The following PPM1B variants were observed in gnomAD, a reference collection of about 807,000 sequenced individuals.
PPM1B encodes protein phosphatase, Mg2+/Mn2+ dependent 1B.
A neutral mutation model predicts 43.0 loss-of-function variants in PPM1B; 22 were observed. The observed-to-expected ratio is 0.51, with a 90% confidence interval of 0.37 to 0.73. The LOEUF is 0.73. PPM1B is among the 30% of genes least tolerant of loss of function. The pLI, the probability that PPM1B is intolerant of heterozygous loss-of-function variation, is 0.00. For missense variants in PPM1B, 632 were observed against 584.2 expected (o/e 1.08, Z -0.84); for synonymous variants, 217 against 197.9 (o/e 1.10, Z -0.81).
Position 44,201,802 on chromosome 2 carries a change from T to C in PPM1B, c.603T>C (p.Ala201=). ...ATGGTTCATTAGCAGTATCTCGTGCTCTGGGGGACTATGATTACAAGTGTG... is the reference window on the plus strand; with the variant it reads ...ATGGTTCATTAGCAGTATCTCGTGCCCTGGGGGACTATGATTACAAGTGTG... ...RVNGSLAVSR[A]LGDYDYKCVD... is the part of the protein sequence containing the mutation. The change falls in exon 2 of 6, where the codon GCT becomes GCC. Residue 201 remains alanine (A), a synonymous_variant. Coordinates refer to ENST00000282412, the MANE Select transcript of PPM1B (RefSeq NM_002706.6). This position sits in a 1 kb window ranked among gnomAD's most constrained non-coding sequence, Gnocchi z 5.4. 5 of 1,614,210 alleles carry C rather than the reference T, an allele frequency of 3.1e-6. No individual in the cohort carries two copies. The highest frequency in any genetic ancestry group is 2.5e-6 in the Non-Finnish European group (3 of 1,180,030).
chr2:44,224,162 A>G (rs1670105871), intron 5 of PPM1B, among the ~76,000 whole-genome samples: 1 of 152,110 alleles, frequency 6.6e-6, no homozygotes. Flanking sequence ...CATTTTAAGA[A>G]TTTTGGTTAT....
At chr2:44,204,718 G>A (rs1002015093) in intron 2 of PPM1B, among the ~76,000 whole-genome samples, 1 of 151,902 alleles carries the variant, frequency 6.6e-6, no homozygotes, top group Non-Finnish European at 1.5e-5. Flanking sequence ...AATCGGCCGG[G>A]CGTTGTGGTG....
At chr2:44,189,457 A>T (rs1221186112) in intron 1 of PPM1B, among the ~76,000 whole-genome samples, 1 of 151,856 alleles carries the variant, frequency 6.6e-6, no homozygotes, top group African/African-American at 2.4e-5. Flanking sequence ...TGGTCCTTCC[A>T]TTCTTTTTTA....
At chr2:44,181,687 T>A (rs1667882027) in intron 1 of PPM1B, among the ~76,000 whole-genome samples, 1 of 152,210 alleles carries the variant, frequency 6.6e-6, no homozygotes, top group African/African-American at 2.4e-5. Flanking sequence ...CTGTTACTAA[T>A]ACAAATAGGT....
At chr2:44,238,695 C>CTT (rs145558616), downstream of PPM1B, among the ~76,000 whole-genome samples, 319 of 151,238 alleles carry the variant, frequency 2.1e-3, 2 homozygotes, top group East Asian at 0.046. Context: ...GAGCGAGAAT[C>CTT]TGTCTCAAAA....
intron 2 of PPM1B, 142 bp downstream of exon 2, chr2:44,202,187 C>A: frequency 1.2e-6 from 1 of 845,692 alleles, no homozygotes; most frequent in Non-Finnish European, 1.7e-6. Context: ...AGAAATGAAA[C>A]CATTGTTTTC....
chr2:44,238,479 A>G (rs974612749), downstream of PPM1B, among the ~76,000 whole-genome samples: 1 of 152,022 alleles, frequency 6.6e-6, no homozygotes, highest in Non-Finnish European at 1.5e-5. Context: ...AGGTGGGTGG[A>G]TCACCTGAGG....
chr2:44,220,286 T>C (rs1168782049), intron 5 of PPM1B, among the ~76,000 whole-genome samples: 1 of 141,290 alleles, frequency 7.1e-6, no homozygotes, highest in Admixed American at 6.9e-5. Context: ...ATATATACCT[T>C]GCTGGATTTT....
At chr2:44,200,268 T>C (rs1166695773) in intron 1 of PPM1B, among the ~76,000 whole-genome samples, 3 of 152,214 alleles carry the variant, frequency 2.0e-5, no homozygotes, top group Non-Finnish European at 4.4e-5. Flanking sequence ...GTTAGCATTG[T>C]ATGTAGAAAA....
chr2:44,209,400 G>A (rs1669349204), intron 3 of PPM1B, 73 bp downstream of exon 3: 2 of 1,509,078 alleles, frequency 1.3e-6, no homozygotes, highest in Admixed American at 4.3e-5. Flanking sequence ...TAGCACTTTT[G>A]TCGCCTGGGC....
intron 1 of PPM1B, among the ~76,000 whole-genome samples, chr2:44,197,467 A>G (rs902405862): frequency 6.6e-6 from 1 of 152,132 alleles, no homozygotes. Flanking sequence ...TCAAAAACTA[A>G]AAAAAACTAA....
intron 5 of PPM1B, among the ~76,000 whole-genome samples, chr2:44,241,152 C>T (rs1258308958): frequency 2.1e-5 from 3 of 143,514 alleles, no homozygotes; most frequent in African/African-American, 7.4e-5. Context: ...TACAGGAATG[C>T]GTCACCACGC....
At chr2:44,216,625 A>G (rs565864452) in intron 3 of PPM1B, among the ~76,000 whole-genome samples, 10 of 152,222 alleles carry the variant, frequency 6.6e-5, no homozygotes, top group African/African-American at 9.7e-5. Context: ...TGAAACCTCA[A>G]GGATGAAAAT....
Position 44,201,361 on chromosome 2 carries a change from A to G in PPM1B, c.162A>G (p.Ser54=), listed in dbSNP as rs1156578711. The G allele has an allele frequency of 2.5e-6, 4 of 1,614,008 alleles. No individual in the cohort carries two copies. Among genetic ancestry groups the G allele is most frequent in the Non-Finnish European group, 1.7e-6 (2 of 1,180,024 alleles). The change falls in exon 2 of 6, where the codon TCA becomes TCG. Residue 54 remains serine (S), a synonymous_variant. Coordinates refer to ENST00000282412, the MANE Select transcript of PPM1B (RefSeq NM_002706.6). This position sits in a 1 kb window ranked among gnomAD's most constrained non-coding sequence, Gnocchi z 5.4. The part of the protein sequence containing the change: ...VGIPHGLEDW[S]FFAVYDGHAG... ...TTCCTCACGGCTTGGAAGACTGGTC[A>G]TTTTTTGCAGTTTATGATGGTCATG...
At position 44,201,715 on chromosome 2, in the gene PPM1B, C is replaced by T; in HGVS notation, c.516C>T (p.Cys172=). 2 of 1,614,158 alleles carry T rather than the reference C, an allele frequency of 1.2e-6. No homozygotes were observed. The highest frequency in any genetic ancestry group is 1.7e-6 in the Non-Finnish European group (2 of 1,180,012). The change falls in exon 2 of 6, where the codon TGC becomes TGT. Residue 172 remains cysteine, a synonymous_variant. Coordinates refer to ENST00000282412, the MANE Select transcript of PPM1B (RefSeq NM_002706.6). This position sits in a 1 kb window ranked among gnomAD's most constrained non-coding sequence, Gnocchi z 5.4. ...VCFSTQDHKP[C]NPREKERIQN... ...TTTCTACCCAGGATCACAAACCTTG[C>T]AATCCAAGGGAAAAGGAGCGAATCC...
chr2:44,204,937 A>T (rs538662158), intron 2 of PPM1B, among the ~76,000 whole-genome samples: 1 of 151,570 alleles, frequency 6.6e-6, no homozygotes, highest in East Asian at 1.9e-4. Flanking sequence ...GTGTTGTATG[A>T]CTGTGGTCAG....
chr2:44,236,562 A>G (rs1172699243), downstream of PPM1B, among the ~76,000 whole-genome samples: 2 of 152,088 alleles, frequency 1.3e-5, no homozygotes, highest in East Asian at 3.8e-4. Context: ...ATGTTTCTAT[A>G]ATCATATTAG....
At chr2:44,241,857 CTTTTTTT>C (rs397984437) in intron 5 of PPM1B, among the ~76,000 whole-genome samples, 5 of 90,958 alleles carry the variant, frequency 5.5e-5, no homozygotes, top group Admixed American at 1.8e-4. Context: ...AGAAAATAAT[CTTTTTTT>C]TTTTTTTTTT....
chr2:44,226,964 AT>A (rs1670244053), intron 5 of PPM1B, among the ~76,000 whole-genome samples: 4 of 142,640 alleles, frequency 2.8e-5, no homozygotes, highest in African/African-American at 1.0e-4. Flanking sequence ...TTATTTATTT[AT>A]TTATTTATGA....
Sources: allele counts gnomAD v4.1 joint callset (sites outside exome capture counted in the v4.1 genomes callset), GRCh38; gene constraint gnomAD v4.1.1; non-coding constraint Gnocchi (gnomAD v3.1); transcripts MANE v1.5; gene names NCBI Gene and HGNC (gene_info 2026-07-23, HGNC 2026-07-21).